The following MACROD2 variants were observed in gnomAD, a reference collection of about 807,000 sequenced individuals.
MACROD2 encodes ADP-ribose glycohydrolase MACROD2.
A neutral mutation model predicts 70.4 loss-of-function variants in MACROD2; 36 were observed. The ratio of observed to expected loss-of-function variants is 0.51; its 90% CI spans 0.39 to 0.68. The LOEUF is 0.68. Ranked by LOEUF, MACROD2 falls within the 30% of genes least tolerant of loss-of-function variation. The probability of loss-of-function intolerance (pLI) is 0.00; values close to 1 mark genes in which losing one functional copy is unlikely to be tolerated. For missense variants in MACROD2, 496 were observed against 538.4 expected (o/e 0.92, Z 0.78); for synonymous variants, 172 against 178.8 (o/e 0.96, Z 0.30).
intron 6 of MACROD2, among the ~76,000 whole-genome samples, chr20:15,247,416 G>T (rs891448869): frequency 6.6e-6 from 1 of 152,072 alleles, no homozygotes; most frequent in African/African-American, 2.4e-5. Context: ...CACATGGAGG[G>T]TTATCACTCA....
chr20:15,002,545 AATTTGCTTAAT>A, intron 5 of MACROD2, among the ~76,000 whole-genome samples: 1 of 152,292 alleles, frequency 6.6e-6, no homozygotes, highest in South Asian at 2.1e-4. Context: ...TATCACCAAG[AATTTGCTTAAT>A]ACTTGGTGCC....
At chr20:15,641,026 C>T (rs1268273573) in intron 8 of MACROD2, among the ~76,000 whole-genome samples, 1 of 152,198 alleles carries the variant, frequency 6.6e-6, no homozygotes, top group Non-Finnish European at 1.5e-5. Flanking sequence ...TGGGCTGTCT[C>T]CCTCTTACAT....
At chr20:14,703,610 G>C (rs1476468773) in intron 5 of MACROD2, among the ~76,000 whole-genome samples, 3 of 152,164 alleles carry the variant, frequency 2.0e-5, no homozygotes, top group African/African-American at 7.2e-5. Context: ...AGCGACTAGG[G>C]AGGCTTGAGG....
At chr20:14,520,347 A>G (rs1237839989) in intron 4 of MACROD2, among the ~76,000 whole-genome samples, 1 of 152,124 alleles carries the variant, frequency 6.6e-6, no homozygotes, top group African/African-American at 2.4e-5. Context: ...CAAGAAAACC[A>G]TCAGTTTATT....
chr20:15,432,308 A>G (rs1010892797), intron 7 of MACROD2, among the ~76,000 whole-genome samples: 2 of 152,040 alleles, frequency 1.3e-5, no homozygotes, highest in Non-Finnish European at 2.9e-5. Context: ...ATTTCTTTTG[A>G]AGGTCTTGAG....
intron 6 of MACROD2, among the ~76,000 whole-genome samples, chr20:15,333,712 G>T (rs1455939498): frequency 6.6e-6 from 1 of 151,432 alleles, no homozygotes; most frequent in Non-Finnish European, 1.5e-5. Context: ...CGTGTTAGGA[G>T]GTTCAATTAG....
intron 2 of MACROD2, among the ~76,000 whole-genome samples, chr20:14,026,230 G>A (rs1027479566): frequency 6.6e-6 from 1 of 152,104 alleles, no homozygotes; most frequent in African/African-American, 2.4e-5. Context: ...TTGAGTCTAT[G>A]TGTGTCTTTG....
chr20:15,685,398 C>T (rs1279791415), intron 8 of MACROD2, among the ~76,000 whole-genome samples: 1 of 152,200 alleles, frequency 6.6e-6, no homozygotes, highest in Non-Finnish European at 1.5e-5. Flanking sequence ...CTGTAACCTT[C>T]TCTGCTAAAC....
intron 5 of MACROD2, among the ~76,000 whole-genome samples, chr20:15,124,778 C>T (rs1330728489): frequency 2.0e-5 from 3 of 150,296 alleles, no homozygotes; most frequent in Non-Finnish European, 4.4e-5. Flanking sequence ...TGCTTTTTAC[C>T]TCCCTGGCTT....
At position 14,274,296 on chromosome 20, in the gene MACROD2, C is replaced by T. The variant is rs1022220519; in HGVS notation, c.271+188568C>T. ...GCAGCACATCAAAAAGCTTATCCACCATGATCAAGTGGGCTTCATCCCTGG... is the reference window on the plus strand; with the variant it reads ...GCAGCACATCAAAAAGCTTATCCACTATGATCAAGTGGGCTTCATCCCTGG... On this transcript the variant is annotated intron_variant, in intron 3 of 17. Coordinates refer to ENST00000684519, the MANE Select transcript of MACROD2 (RefSeq NM_001351661.2). Among the ~76,000 whole-genome samples, 35 of 152,260 alleles carry T rather than the reference C, an allele frequency of 2.3e-4. No individual in the cohort carries two copies. In the South Asian group the frequency reaches 6.6e-3, roughly 29 times the overall value.
At chr20:15,338,351 A>G (rs1225441705) in intron 6 of MACROD2, among the ~76,000 whole-genome samples, 1 of 151,592 alleles carries the variant, frequency 6.6e-6, no homozygotes, top group Non-Finnish European at 1.5e-5. Flanking sequence ...GAATCTAGCC[A>G]ATTCTTTTGA....
intron 5 of MACROD2, among the ~76,000 whole-genome samples, chr20:14,930,581 G>A (rs1321816743): frequency 1.3e-5 from 2 of 152,004 alleles, no homozygotes; most frequent in East Asian, 1.9e-4. Flanking sequence ...GGGAGATTGA[G>A]ATGGTGCATG....
rs553708252 is a variant in MACROD2, at chr20:15,842,224, C to T, written c.646-20521C>T. 1.5e-4 allele frequency among the ~76,000 whole-genome samples: 23 copies of T among 152,152 alleles called. No individual in the cohort carries two copies. The East Asian group carries it at 1.9e-3, about 13-fold the overall frequency. On this transcript the variant is annotated intron_variant, in intron 8 of 17. Transcript: ENST00000684519. ...GGTAGGCTTTGTGACTTCCCAATGC[C>T]GGTGGAGCTGGACCTACAGGTGCAT...
At chr20:15,116,179 C>T (rs1419273419) in intron 5 of MACROD2, among the ~76,000 whole-genome samples, 1 of 152,110 alleles carries the variant, frequency 6.6e-6, no homozygotes, top group Non-Finnish European at 1.5e-5. Flanking sequence ...TTACAGTTGA[C>T]CCTTGAATAA....
chr20:14,082,075 A>T (rs1348165907), intron 2 of MACROD2, among the ~76,000 whole-genome samples: 1 of 152,170 alleles, frequency 6.6e-6, no homozygotes, highest in African/African-American at 2.4e-5. Flanking sequence ...ATTCCATTTT[A>T]AAAATTTGCA....
chr20:14,805,954 CTTCTG>C (rs2072633927), intron 5 of MACROD2, among the ~76,000 whole-genome samples: 1 of 152,016 alleles, frequency 6.6e-6, no homozygotes, highest in Non-Finnish European at 1.5e-5. Context: ...CATCTCTTTG[CTTCTG>C]TTCCTTTGTG....
chr20:15,044,709 AT>A (rs2075379919), intron 5 of MACROD2, among the ~76,000 whole-genome samples: 2 of 152,164 alleles, frequency 1.3e-5, no homozygotes, highest in Non-Finnish European at 2.9e-5. Flanking sequence ...TGGCTTGAAA[AT>A]GTTAACAGTG....
intron 3 of MACROD2, among the ~76,000 whole-genome samples, chr20:14,088,605 A>G (rs2054111807): frequency 6.6e-6 from 1 of 152,106 alleles, no homozygotes; most frequent in Admixed American, 6.6e-5. Context: ...TCACTCTCAC[A>G]AGTTTTCTCC....
At chr20:15,553,628 C>T (rs1310144945) in intron 8 of MACROD2, among the ~76,000 whole-genome samples, 3 of 152,112 alleles carry the variant, frequency 2.0e-5, no homozygotes, top group African/African-American at 7.2e-5. Flanking sequence ...CCATGTTGCC[C>T]AGGCCAGTCC....
Sources: allele counts gnomAD v4.1 joint callset (sites outside exome capture counted in the v4.1 genomes callset), GRCh38; gene constraint gnomAD v4.1.1; transcripts MANE v1.5; gene names NCBI Gene and HGNC (gene_info 2026-07-23, HGNC 2026-07-21).